Variants in SRGN observed in about 807,000 individuals in gnomAD.
SRGN encodes serglycin.
A neutral mutation model predicts 9.5 loss-of-function variants in SRGN; 2 were observed. That is an observed-to-expected ratio of 0.21 (90% confidence interval 0.09 to 0.66). SRGN has a LOEUF of 0.66. SRGN is among the 30% of genes least tolerant of loss of function. The pLI, the probability that SRGN is intolerant of heterozygous loss-of-function variation, is 0.83. For missense variants in SRGN, 170 were observed against 192.4 expected (o/e 0.88, Z 0.69); for synonymous variants, 59 against 72.3 (o/e 0.82, Z 0.93).
intron 1 of SRGN, among the ~76,000 whole-genome samples, chr10:69,096,095 C>T (rs1840169327): frequency 6.6e-6 from 1 of 152,114 alleles, no homozygotes; most frequent in African/African-American, 2.4e-5. Context: ...AGACACAGGA[C>T]AAATTGTTAT....
chr10:69,099,841 TA>T (rs931483810), intron 2 of SRGN, among the ~76,000 whole-genome samples: 1 of 152,204 alleles, frequency 6.6e-6, no homozygotes, highest in African/African-American at 2.4e-5. Flanking sequence ...CTCATGCCTG[TA>T]ATCCCCCCAG....
Position 69,097,097 on chromosome 10 carries a change from G to C in SRGN, c.93G>C (p.Arg31=), listed in dbSNP as rs77483718. The C allele has an allele frequency of 3.1e-4, 493 of 1,613,976 alleles. 1 individual carries two copies. In the African/African-American group the frequency reaches 5.9e-3, roughly 19 times the overall value. The change falls in exon 2 of 3, where the codon CGG becomes CGC. Residue 31 remains arginine (R), a synonymous_variant. Coordinates refer to ENST00000242465, the MANE Select transcript of SRGN (RefSeq NM_002727.4). ...TTCCTCGGGCAGGTTATCCTACGCG[G>C]AGAGCCAGGTACCAATGGGTGCGCT... ...LESSVQGYPT[R]RARYQWVRCN...
At chr10:69,098,181 A>C (rs556275749) in intron 2 of SRGN, among the ~76,000 whole-genome samples, 1 of 152,330 alleles carries the variant, frequency 6.6e-6, no homozygotes, top group South Asian at 2.1e-4. Context: ...TAAAAATCCA[A>C]TAATTAACTG....
At chr10:69,089,049 C>T (rs894613256) in intron 1 of SRGN, among the ~76,000 whole-genome samples, 2 of 152,098 alleles carry the variant, frequency 1.3e-5, no homozygotes, top group African/African-American at 4.8e-5. Context: ...ATGGCTGAAC[C>T]TATAGTAGAA....
At chr10:69,094,708 C>A (rs1840138791) in intron 1 of SRGN, among the ~76,000 whole-genome samples, 1 of 152,100 alleles carries the variant, frequency 6.6e-6, no homozygotes, top group Non-Finnish European at 1.5e-5. Flanking sequence ...CCTGCCTCAG[C>A]CTCCTAAGTA....
intron 2 of SRGN, among the ~76,000 whole-genome samples, chr10:69,101,045 C>T (rs893135111): frequency 1.3e-5 from 2 of 148,806 alleles, no homozygotes; most frequent in Admixed American, 6.8e-5. Flanking sequence ...TGCAGTGGTG[C>T]GATCTCAGCT....
chr10:69,104,170 T>G lies in SRGN; in HGVS notation c.*50T>G. On this transcript the variant is annotated 3_prime_UTR_variant, in exon 3 of 3. Coordinates refer to ENST00000242465, the MANE Select transcript of SRGN (RefSeq NM_002727.4). The stretch of plus-strand genomic sequence containing the variant: ...CAGGCAATGTAGTTAGCATATTTTA[T>G]GTACCATGGTTATATGATTAATCTT... The G allele has an allele frequency of 6.3e-7, 1 of 1,578,916 alleles. No homozygotes were observed. Among genetic ancestry groups the G allele is most frequent in the Non-Finnish European group, 8.6e-7 (1 of 1,158,610 alleles).
chr10:69,104,493 G>A lies in SRGN; in HGVS notation c.*373G>A, dbSNP rs1018403030. On this transcript the variant is annotated 3_prime_UTR_variant, in exon 3 of 3. Transcript: ENST00000242465. ...AAATTAAGACTCTGACTTGGATTGTGAATTATAATGATATGCCCCTTTTCT... is the reference window on the plus strand; with the variant it reads ...AAATTAAGACTCTGACTTGGATTGTAAATTATAATGATATGCCCCTTTTCT... 6.5e-6 allele frequency: 1 copy of A among 154,620 alleles called. No individual in the cohort carries two copies. The highest frequency in any genetic ancestry group is 1.4e-5 in the Non-Finnish European group (1 of 70,756). 9.6% of individuals were successfully genotyped at this position (154,620 alleles called of 1,614,324 possible). A position where few individuals can be genotyped will look rare whatever the true frequency, so the allele number is the denominator to read the frequency against.
upstream of SRGN, chr10:69,088,025 C>A: frequency 3.1e-5 from 20 of 653,408 alleles, no homozygotes; most frequent in Admixed American, 1.1e-4. Flanking sequence ...TCTATTTGTT[C>A]AGGAAATTGT....
intron 1 of SRGN, among the ~76,000 whole-genome samples, chr10:69,096,732 C>A (rs999192684): frequency 6.6e-6 from 1 of 152,080 alleles, no homozygotes. Flanking sequence ...TCTCAGCACA[C>A]TGGGAGGCCA....
chr10:69,093,736 A>T (rs1346622499), intron 1 of SRGN, among the ~76,000 whole-genome samples: 3 of 152,218 alleles, frequency 2.0e-5, no homozygotes, highest in East Asian at 3.9e-4. Context: ...GCATGGTGGC[A>T]CGTGCCTGTA....
chr10:69,088,027 G>T, upstream of SRGN: 1 of 693,978 alleles, frequency 1.4e-6, no homozygotes, highest in Non-Finnish European at 2.5e-6. Context: ...TATTTGTTCA[G>T]GAAATTGTGA....
At chr10:69,092,292 T>A (rs542914378) in intron 1 of SRGN, among the ~76,000 whole-genome samples, 58 of 152,338 alleles carry the variant, frequency 3.8e-4, no homozygotes, top group South Asian at 6.2e-4. Flanking sequence ...AATTTTCACA[T>A]CCTGCCAACA....
intron 1 of SRGN, among the ~76,000 whole-genome samples, chr10:69,089,197 G>A (rs1245141190): frequency 1.3e-5 from 2 of 152,238 alleles, no homozygotes; most frequent in Non-Finnish European, 2.9e-5. Flanking sequence ...GATGATCGCA[G>A]AGACATTCAT....
At chr10:69,087,638 C>T (rs1839966264), upstream of SRGN, among the ~76,000 whole-genome samples, 1 of 150,070 alleles carries the variant, frequency 6.7e-6, no homozygotes, top group Admixed American at 6.6e-5. Context: ...TGAAGTTTCA[C>T]TTCACGAGCT....
intron 1 of SRGN, among the ~76,000 whole-genome samples, chr10:69,094,517 G>A (rs967350880): frequency 6.6e-6 from 1 of 152,006 alleles, no homozygotes; most frequent in Non-Finnish European, 1.5e-5. Flanking sequence ...CCCCATGTCT[G>A]TTTATATAAT....
chr10:69,097,185 C>T lies in SRGN; in HGVS notation c.181C>T (p.Pro61Ser), dbSNP rs1402548102. ...AAAAGGACCAATGTTCGAACTACTTCCAGGTGAATCCAACAAGATCCCCCG... is the reference window on the plus strand; with the variant it reads ...AAAAGGACCAATGTTCGAACTACTTTCAGGTGAATCCAACAAGATCCCCCG... ...EEKGPMFELL[P>S]GESNKIPRLR... Residue 61 changes from proline to serine, a missense_variant, in exon 2 of 3, where the codon CCA becomes TCA. Transcript: ENST00000242465. 1.3e-5 allele frequency: 21 copies of T among 1,613,936 alleles called. No homozygotes were observed. Among genetic ancestry groups the T allele is most frequent in the Non-Finnish European group, 1.7e-5 (20 of 1,179,974 alleles).
intron 2 of SRGN, among the ~76,000 whole-genome samples, chr10:69,100,292 A>C (rs1003838517): frequency 2.6e-5 from 4 of 151,966 alleles, no homozygotes; most frequent in African/African-American, 9.7e-5. Context: ...CAGCTACTCG[A>C]AAGGCTGAGG....
At chr10:69,097,527 C>T (rs1029813400) in intron 2 of SRGN, among the ~76,000 whole-genome samples, 2 of 149,596 alleles carry the variant, frequency 1.3e-5, no homozygotes, top group African/African-American at 2.5e-5. Flanking sequence ...CCTGGGTTCA[C>T]GCCATTCTCC....
Sources: allele counts gnomAD v4.1 joint callset (sites outside exome capture counted in the v4.1 genomes callset), GRCh38; gene constraint gnomAD v4.1.1; transcripts MANE v1.5; gene names NCBI Gene and HGNC (gene_info 2026-07-23, HGNC 2026-07-21).